AMMECR1: variants seen among roughly 807,000 people sequenced by gnomAD.
AMMECR1 encodes the protein nuclear protein AMMECR1.
A neutral mutation model predicts 22.5 loss-of-function variants in AMMECR1; 3 were observed. The observed-to-expected ratio is 0.13, with a 90% CI of 0.06 to 0.35. AMMECR1 has a LOEUF of 0.35. Ranked by LOEUF, AMMECR1 falls within the 10% of genes least tolerant of loss-of-function variation. The pLI is 1.00. For missense variants in AMMECR1, 235 were observed against 278.7 expected (o/e 0.84, Z 1.12); for synonymous variants, 130 against 116.7 (o/e 1.11, Z -0.74).
chrX:110,322,850 T>C (rs992204208), upstream of AMMECR1, among the ~76,000 whole-genome samples: 3 of 111,871 alleles, frequency 2.7e-5, no homozygotes, highest in Non-Finnish European at 5.6e-5. Flanking sequence ...CAGTCGTCTC[T>C]CATTACTTAC....
intron 2 of AMMECR1, among the ~76,000 whole-genome samples, chrX:110,422,731 C>G (rs2068726556): frequency 8.9e-6 from 1 of 111,967 alleles, no homozygotes; most frequent in South Asian, 3.8e-4. Flanking sequence ...CTTATATGCT[C>G]TTTCCAAGAG....
intron 1 of AMMECR1, among the ~76,000 whole-genome samples, chrX:110,288,595 C>A (rs2148211538): frequency 8.9e-6 from 1 of 112,045 alleles, no homozygotes; most frequent in African/African-American, 3.2e-5. Context: ...TCTCCAAATT[C>A]ATTAGAAATG....
chrX:110,288,243 G>A (rs2067890681), intron 1 of AMMECR1, among the ~76,000 whole-genome samples: 1 of 111,886 alleles, frequency 8.9e-6, no homozygotes, highest in Non-Finnish European at 1.9e-5. Flanking sequence ...TAGCACCATG[G>A]CTTTTGGCAT....
chrX:110,213,742 A>G (rs1264590475), intron 3 of AMMECR1, among the ~76,000 whole-genome samples: 1 of 111,668 alleles, frequency 9.0e-6, no homozygotes, highest in Non-Finnish European at 1.9e-5. Context: ...CCACAATACT[A>G]TTACTCCATT....
intron 2 of AMMECR1, among the ~76,000 whole-genome samples, chrX:110,425,680 C>T (rs1411583451): frequency 8.9e-6 from 1 of 112,212 alleles, no homozygotes; most frequent in Non-Finnish European, 1.9e-5. Context: ...CACAGCCCTA[C>T]AGGAGCAAGT....
At chrX:110,328,712 T>C (rs967679508) in intron 2 of AMMECR1, among the ~76,000 whole-genome samples, 2 of 108,717 alleles carry the variant, frequency 1.8e-5, no homozygotes, top group African/African-American at 6.7e-5. Flanking sequence ...TGAGAACATG[T>C]GGTGTTTGGT....
At chrX:110,388,817 T>C (rs1194650165) in intron 2 of AMMECR1, among the ~76,000 whole-genome samples, 1 of 111,902 alleles carries the variant, frequency 8.9e-6, no homozygotes, top group Non-Finnish European at 1.9e-5. Flanking sequence ...CAAGAGTAGC[T>C]AATTAGAGAA....
chrX:110,278,814 C>A (rs2067838571), intron 1 of AMMECR1, among the ~76,000 whole-genome samples: 1 of 112,027 alleles, frequency 8.9e-6, no homozygotes, highest in Non-Finnish European at 1.9e-5. Flanking sequence ...CACATCAATA[C>A]AAGAAAGCAA....
intron 2 of AMMECR1, among the ~76,000 whole-genome samples, chrX:110,373,466 C>A (rs1388867214): frequency 8.9e-6 from 1 of 111,760 alleles, no homozygotes; most frequent in Non-Finnish European, 1.9e-5. Flanking sequence ...GACCCACCTC[C>A]ATAACTCAGA....
At chrX:110,313,956 G>A (rs964320126) in intron 1 of AMMECR1, among the ~76,000 whole-genome samples, 2 of 111,810 alleles carry the variant, frequency 1.8e-5, no homozygotes, top group Admixed American at 1.9e-4. Context: ...TTCTCAACGT[G>A]TGGCCCTGGG....
chrX:110,214,474 GC>G (rs2067463380), intron 3 of AMMECR1, among the ~76,000 whole-genome samples: 1 of 110,903 alleles, frequency 9.0e-6, no homozygotes, highest in Admixed American at 9.6e-5. Flanking sequence ...CTTCTTAAGG[GC>G]TTTACATCCC....
intron 3 of AMMECR1, among the ~76,000 whole-genome samples, chrX:110,215,661 T>C (rs2067470014): frequency 8.9e-6 from 1 of 112,367 alleles, no homozygotes; most frequent in Non-Finnish European, 1.9e-5. Context: ...ATAGCACTTA[T>C]TTCTTCATAC....
intron 2 of AMMECR1, among the ~76,000 whole-genome samples, chrX:110,374,975 A>G (rs1248345778): frequency 5.4e-5 from 6 of 111,366 alleles, no homozygotes; most frequent in Non-Finnish European, 5.6e-5. Context: ...TGACTGGCCA[A>G]TGAAAGGCTA....
intron 2 of AMMECR1, among the ~76,000 whole-genome samples, chrX:110,366,421 G>A (rs778271517): frequency 8.9e-6 from 1 of 111,741 alleles, no homozygotes; most frequent in East Asian, 2.8e-4. Flanking sequence ...AGAGATGGTG[G>A]TGAGGGACTA....
rs533155053 is a variant in AMMECR1, at chrX:110,270,480, T to C, written c.474-5881A>G. 1.8e-4 allele frequency among the ~76,000 whole-genome samples: 20 copies of C among 110,310 alleles called. No homozygotes were observed. The East Asian group carries it at 2.0e-3, about 11-fold the overall frequency. ...CTACTGGTATAATATGGTTTTTTTT[T>C]CCCCCACTACAGGAAAAAAAAATGT... On this transcript the variant is annotated intron_variant, in intron 1 of 5. Coordinates refer to ENST00000262844, the MANE Select transcript of AMMECR1 (RefSeq NM_015365.3).
At chrX:110,401,475 C>T (rs1339441901) in intron 2 of AMMECR1, among the ~76,000 whole-genome samples, 1 of 111,734 alleles carries the variant, frequency 8.9e-6, no homozygotes, top group Non-Finnish European at 1.9e-5. Context: ...CTTAACCTAA[C>T]CTTTTCCAGA....
intron 2 of AMMECR1, among the ~76,000 whole-genome samples, chrX:110,349,581 A>G (rs2068203517): frequency 8.9e-6 from 1 of 111,985 alleles, no homozygotes; most frequent in Non-Finnish European, 1.9e-5. Context: ...ACCTGGATTT[A>G]TCTGGCTCTT....
chrX:110,427,408 T>G (rs1361256732), intron 1 of AMMECR1, among the ~76,000 whole-genome samples: 3 of 111,871 alleles, frequency 2.7e-5, no homozygotes, highest in Non-Finnish European at 5.6e-5. Context: ...ACGTACTCAT[T>G]AGAGTACCTA....
chrX:110,420,318 A>G (rs1211657019), intron 2 of AMMECR1, among the ~76,000 whole-genome samples: 2 of 112,303 alleles, frequency 1.8e-5, no homozygotes, highest in Non-Finnish European at 3.8e-5. Flanking sequence ...TAACCAAGGA[A>G]TATTCGTTGA....
Sources: allele counts gnomAD v4.1 joint callset (sites outside exome capture counted in the v4.1 genomes callset), GRCh38; gene constraint gnomAD v4.1.1; transcripts MANE v1.5; gene names NCBI Gene and HGNC (gene_info 2026-07-23, HGNC 2026-07-21).